The following ANO6 variants were observed in gnomAD, a reference collection of about 807,000 sequenced individuals.
ANO6 encodes the protein anoctamin 6, also known as anoctamin-6.
In ANO6, 106 loss-of-function variants were observed where a neutral mutation model predicts 117.5. The ratio of observed to expected loss-of-function variants is 0.90; its 90% CI spans 0.77 to 1.06. The LOEUF is 1.06. Ranked by LOEUF, ANO6 falls within the 50% of genes least tolerant of loss-of-function variation. The pLI, the probability that ANO6 is intolerant of heterozygous loss-of-function variation, is 0.00. For missense variants in ANO6, 955 were observed against 1,121.1 expected, an observed-to-expected ratio of 0.85 and a Z score of 2.12; for synonymous variants, 367 against 385.1, an observed-to-expected ratio of 0.95 and a Z score of 0.55.
chr12:45,277,560 G>T (rs980429996), intron 1 of ANO6, among the ~76,000 whole-genome samples: 20 of 152,098 alleles, frequency 1.3e-4, no homozygotes, highest in Admixed American at 1.3e-3. Flanking sequence ...TTTTTTGTTG[G>T]TTTACTATTT....
At chr12:45,289,935 G>C (rs1939041218) in intron 1 of ANO6, among the ~76,000 whole-genome samples, 1 of 152,080 alleles carries the variant, frequency 6.6e-6, no homozygotes, top group African/African-American at 2.4e-5. Flanking sequence ...TCCATAAAGT[G>C]CTGAAAAAAA....
chr12:45,406,222 GTGAA>G (rs1484474284), intron 15 of ANO6, among the ~76,000 whole-genome samples: 3 of 152,250 alleles, frequency 2.0e-5, no homozygotes, highest in Admixed American at 2.0e-4. Flanking sequence ...AAGCAGCTGA[GTGAA>G]TGAATAAGTG....
At position 45,422,852 on chromosome 12, in the gene ANO6, G is replaced by T. The variant is rs1015259941; in HGVS notation, c.2421-105G>T. On this transcript the variant is annotated intron_variant, in intron 18 of 19. Transcript: ENST00000320560. The stretch of plus-strand genomic sequence containing the variant: ...GCCTCCCAAAGTGCTAGGATTACAG[G>T]CATGAGCCACTGCACCCGGCATGAC... The T allele has an allele frequency of 8.1e-6, 7 of 866,234 alleles. No individual in the cohort carries two copies. In the African/African-American group the frequency reaches 9.9e-5, roughly 12 times the overall value. 53.7% of individuals were successfully genotyped at this position (866,234 alleles called of 1,614,324 possible). A position where few individuals can be genotyped will look rare whatever the true frequency, so the allele number is the denominator to read the frequency against.
intron 9 of ANO6, among the ~76,000 whole-genome samples, chr12:45,375,424 T>A (rs1396363553): frequency 6.6e-6 from 1 of 152,192 alleles, no homozygotes; most frequent in Non-Finnish European, 1.5e-5. Flanking sequence ...AGAACAAAGC[T>A]GGAGGCATCA....
At chr12:45,346,955 T>TA (rs2137444536) in intron 3 of ANO6, 67 bp from the exon 4 acceptor site, 8 of 1,464,338 alleles carry the variant, frequency 5.5e-6, no homozygotes, top group South Asian at 1.1e-5. Flanking sequence ...AATATTGTTT[T>TA]AAAAAATGCC....
At chr12:45,417,021 C>T in intron 17 of ANO6, 117 bp downstream of exon 17, 1 of 989,110 alleles carries the variant, frequency 1.0e-6, no homozygotes, top group South Asian at 1.4e-5. Flanking sequence ...GTCTGTCATC[C>T]ACATAAATGA....
At chr12:45,261,371 G>C (rs76227788) in intron 1 of ANO6, among the ~76,000 whole-genome samples, 5,068 of 152,192 alleles carry the variant, frequency 0.033, 248 homozygotes, top group African/African-American at 0.11. Flanking sequence ...TTGGACACTT[G>C]ATCTAAAGAG....
chr12:45,279,504 A>T (rs1202808362), intron 1 of ANO6, among the ~76,000 whole-genome samples: 1 of 152,214 alleles, frequency 6.6e-6, no homozygotes, highest in East Asian at 1.9e-4. Flanking sequence ...TTTCACCGAC[A>T]TGAGTTTTTA....
chr12:45,411,378 A>G (rs1385376929), intron 16 of ANO6, among the ~76,000 whole-genome samples: 2 of 152,242 alleles, frequency 1.3e-5, no homozygotes, highest in Admixed American at 6.5e-5. Flanking sequence ...TGTTATCTAA[A>G]TAGTATCTAA....
intron 1 of ANO6, among the ~76,000 whole-genome samples, chr12:45,257,529 C>G (rs1303255977): frequency 6.6e-6 from 1 of 152,186 alleles, no homozygotes; most frequent in Non-Finnish European, 1.5e-5. Context: ...CCCCATTTCA[C>G]CCACTCTCCC....
At chr12:45,270,468 T>C in intron 1 of ANO6, 1 of 1,521,800 alleles carries the variant, frequency 6.6e-7, no homozygotes, top group Non-Finnish European at 8.8e-7. Context: ...TCAGGTGATG[T>C]TCCTGCCTCC....
intron 12 of ANO6, among the ~76,000 whole-genome samples, chr12:45,398,180 G>A (rs553812308): frequency 3.9e-5 from 6 of 152,190 alleles, no homozygotes; most frequent in East Asian, 3.9e-4. Context: ...CCTTTAATAC[G>A]TGGAGTCCAG....
At chr12:45,224,628 A>G (rs1428896195) in intron 1 of ANO6, among the ~76,000 whole-genome samples, 1 of 152,204 alleles carries the variant, frequency 6.6e-6, no homozygotes, top group Admixed American at 6.5e-5. Flanking sequence ...GTCCTCCAGT[A>G]TCCTCTTAAA....
chr12:45,219,837 A>G (rs1234688799), intron 1 of ANO6, among the ~76,000 whole-genome samples: 2 of 152,162 alleles, frequency 1.3e-5, no homozygotes, highest in Non-Finnish European at 2.9e-5. Flanking sequence ...ACTTATTTCT[A>G]AAGCAGAGCC....
At position 45,308,048 on chromosome 12, in the gene ANO6, A is replaced by AT. The variant is rs1218638312; in HGVS notation, c.150+5979dup. On this transcript the variant is annotated intron_variant, in intron 2 of 19. Coordinates refer to ENST00000320560, the MANE Select transcript of ANO6 (RefSeq NM_001025356.3). ...GTGTGTGTCTGTGTGTGTGTGTGTA[A>AT]TTTTTTTTTTTTTTTTTTTTTTTTG... 3.6e-3 allele frequency among the ~76,000 whole-genome samples: 248 copies of AT among 69,280 alleles called. 24 individuals are homozygous for AT. The highest frequency in any genetic ancestry group is 9.1e-3 in the African/African-American group (166 of 18,326). 45.5% of individuals were successfully genotyped at this position (69,280 alleles called of 152,430 possible).
chr12:45,279,951 C>T (rs1191114920), intron 1 of ANO6, among the ~76,000 whole-genome samples: 3 of 152,184 alleles, frequency 2.0e-5, no homozygotes, highest in Non-Finnish European at 4.4e-5. Flanking sequence ...TGAACAAGAG[C>T]TGTTAAAAGG....
chr12:45,427,734 G>GT (rs146369213), intron 19 of ANO6, among the ~76,000 whole-genome samples: 1,904 of 147,662 alleles, frequency 0.013, 38 homozygotes, highest in African/African-American at 0.045. Flanking sequence ...CACTAAGTTG[G>GT]TTTAAAAAAA....
At chr12:45,306,835 TG>T (rs1258736946) in intron 2 of ANO6, among the ~76,000 whole-genome samples, 2 of 150,600 alleles carry the variant, frequency 1.3e-5, no homozygotes, top group Admixed American at 6.6e-5. Flanking sequence ...GTGTATGTGT[TG>T]GGGGGGTGGT....
At chr12:45,252,403 G>GA (rs1937650750) in intron 1 of ANO6, among the ~76,000 whole-genome samples, 1 of 152,198 alleles carries the variant, frequency 6.6e-6, no homozygotes. Context: ...AATATTACAG[G>GA]AAAGTGGCCA....
Sources: allele counts gnomAD v4.1 joint callset (sites outside exome capture counted in the v4.1 genomes callset), GRCh38; gene constraint gnomAD v4.1.1; transcripts MANE v1.5; gene names NCBI Gene and HGNC (gene_info 2026-07-23, HGNC 2026-07-21).